Variants in CLVS1 observed in about 807,000 individuals in gnomAD.
CLVS1 encodes the protein clavesin-1.
A neutral mutation model predicts 33.1 loss-of-function variants in CLVS1; 10 were observed. The ratio of observed to expected loss-of-function variants is 0.30; its 90% CI spans 0.19 to 0.51. The LOEUF (loss-of-function observed/expected upper bound fraction) is 0.51, where lower values mean the gene tolerates loss of function less well. Ranked by LOEUF, CLVS1 falls within the 20% of genes least tolerant of loss-of-function variation. The probability of loss-of-function intolerance (pLI) is 0.97; values close to 1 mark genes in which losing one functional copy is unlikely to be tolerated. For missense variants in CLVS1, 343 were observed against 433.4 expected, an observed-to-expected ratio of 0.79 and a Z score of 1.85; for synonymous variants, 163 against 166.1, an observed-to-expected ratio of 0.98 and a Z score of 0.14.
At chr8:61,405,732 G>A (rs554827205) in intron 3 of CLVS1, among the ~76,000 whole-genome samples, 3 of 149,626 alleles carry the variant, frequency 2.0e-5, no homozygotes, top group East Asian at 1.9e-4. Context: ...TGCTCCTGGG[G>A]CAAGGCACTG....
intron 2 of CLVS1, among the ~76,000 whole-genome samples, chr8:61,324,681 A>C (rs1329229343): frequency 6.6e-6 from 1 of 152,156 alleles, no homozygotes; most frequent in Non-Finnish European, 1.5e-5. Flanking sequence ...TTTGACAAAA[A>C]TGTTGATAGT....
chr8:61,338,740 G>A (rs987095816), intron 2 of CLVS1, among the ~76,000 whole-genome samples: 1 of 152,146 alleles, frequency 6.6e-6, no homozygotes, highest in Non-Finnish European at 1.5e-5. Context: ...TGAGGTCAGG[G>A]CTGACAAACA....
chr8:60,989,145 G>A, the CLVS1 span, among the ~76,000 whole-genome samples: 1 of 151,988 alleles, frequency 6.6e-6, no homozygotes, highest in East Asian at 1.9e-4. Flanking sequence ...GGGATTACAG[G>A]CGTGAGCCAC....
At chr8:61,003,114 G>A in the CLVS1 span, among the ~76,000 whole-genome samples, 1 of 152,178 alleles carries the variant, frequency 6.6e-6, no homozygotes, top group Non-Finnish European at 1.5e-5. Context: ...TTACACTTGA[G>A]TAACTTCTAG....
In CLVS1 at chr8:61,500,248, C is replaced by CA. The variant is rs1804568254; in HGVS notation, c.*708dup. ...GTGAAATACGATTATTTCATCTGAG[C>CA]AATGTGAGTTACCACAGGCAGCTCA... On this transcript the variant is annotated 3_prime_UTR_variant, in exon 6 of 6. Coordinates refer to ENST00000325897, the MANE Select transcript of CLVS1 (RefSeq NM_173519.3). 6.6e-6 allele frequency: 1 copy of CA among 152,156 alleles called. No individual in the cohort carries two copies. Among genetic ancestry groups the CA allele is most frequent in the Admixed American group, 6.5e-5 (1 of 15,274 alleles). 9.4% of individuals were successfully genotyped at this position (152,156 alleles called of 1,614,324 possible).
At chr8:60,980,873 C>A in the CLVS1 span, among the ~76,000 whole-genome samples, 1 of 152,040 alleles carries the variant, frequency 6.6e-6, no homozygotes, top group Non-Finnish European at 1.5e-5. Context: ...ACCTTAAATG[C>A]CCATCAAAAA....
At position 61,140,066 on chromosome 8, in the gene CLVS1, T is replaced by C. The variant is rs561664980; in HGVS notation, c.-152+8206T>C. Reference sequence around the variant, plus strand: ...CCAAGCTGCCCAAGTTAAGTCCTTCTAGAAGGGCGCATTCCATGGAGACCA... The same window carrying C: ...CCAAGCTGCCCAAGTTAAGTCCTTCCAGAAGGGCGCATTCCATGGAGACCA... On this transcript the variant is annotated intron_variant, in intron 2 of 2. Transcript: ENST00000522621. Among the ~76,000 whole-genome samples the C allele has an allele frequency of 3.3e-5, 5 of 152,162 alleles. No homozygotes were observed. In the East Asian group the frequency reaches 7.8e-4, roughly 24 times the overall value.
intron 1 of CLVS1, among the ~76,000 whole-genome samples, chr8:61,123,688 A>C (rs896483017): frequency 6.6e-6 from 1 of 152,098 alleles, no homozygotes; most frequent in Non-Finnish European, 1.5e-5. Flanking sequence ...TCTTTTGTGG[A>C]GTTTTGTACA....
intron 1 of CLVS1, among the ~76,000 whole-genome samples, chr8:61,110,761 C>T (rs991933077): frequency 2.6e-5 from 4 of 152,198 alleles, no homozygotes; most frequent in Admixed American, 6.5e-5. Context: ...AATTTGACTA[C>T]TTGAATTATC....
At chr8:61,162,448 C>T (rs1325158230) in intron 2 of CLVS1, among the ~76,000 whole-genome samples, 1 of 152,180 alleles carries the variant, frequency 6.6e-6, no homozygotes, top group Non-Finnish European at 1.5e-5. Flanking sequence ...TTGGAATCTG[C>T]AGTTGAGAGA....
At chr8:61,291,864 T>C (rs192689504) in intron 1 of CLVS1, 1 of 163,192 alleles carries the variant, frequency 6.1e-6, no homozygotes, top group African/African-American at 2.4e-5. Context: ...GACAGTGCAT[T>C]AGGGCTGTCC....
chr8:61,069,083 C>T (rs368061867), intron 1 of CLVS1, among the ~76,000 whole-genome samples: 2 of 152,164 alleles, frequency 1.3e-5, no homozygotes, highest in East Asian at 3.8e-4. Flanking sequence ...TCTCCTGCCT[C>T]AGCCTCCCAA....
In CLVS1 at chr8:61,142,343, C is replaced by T. The variant is rs139440824; in HGVS notation, c.-152+10483C>T. Among the ~76,000 whole-genome samples the T allele has an allele frequency of 8.0e-3, 1,219 of 152,280 alleles. 16 individuals carry two copies. Among genetic ancestry groups the T allele is most frequent in the African/African-American group, 0.026 (1,099 of 41,552 alleles). On this transcript the variant is annotated intron_variant, in intron 2 of 2. Coordinates refer to the CLVS1 transcript ENST00000522621. ...CACCATGATTGCAAGTTTCCTGAGG[C>T]CTCCCCAGCCATGTGGAACTGTGAG...
intron 2 of CLVS1, among the ~76,000 whole-genome samples, chr8:61,142,179 A>G (rs1806319355): frequency 6.6e-6 from 1 of 152,190 alleles, no homozygotes; most frequent in Admixed American, 6.5e-5. Flanking sequence ...TGATTGGATC[A>G]TGGGGGTGGT....
intron 2 of CLVS1, among the ~76,000 whole-genome samples, chr8:61,232,153 GCCTCCCACGTAGCTGGGA>G (rs774662661): frequency 0.015 from 2,251 of 148,952 alleles, 25 homozygotes; most frequent in Non-Finnish European, 0.023. Flanking sequence ...TCCTACCTCA[GCCTCCCACGTAGCTGGGA>G]CTACAGGCAC....
intron 2 of CLVS1, among the ~76,000 whole-genome samples, chr8:61,156,308 TATTC>T (rs1437190540): frequency 6.8e-6 from 1 of 147,812 alleles, no homozygotes; most frequent in East Asian, 2.0e-4. Flanking sequence ...TCTATGCCCC[TATTC>T]ATTCTGTAAC....
chr8:61,350,456 A>G (rs1452955630), intron 2 of CLVS1, among the ~76,000 whole-genome samples: 2 of 152,156 alleles, frequency 1.3e-5, no homozygotes, highest in Admixed American at 6.6e-5. Flanking sequence ...CTTATCATAA[A>G]CTACTGTGAT....
At chr8:61,037,659 G>A in the CLVS1 span, among the ~76,000 whole-genome samples, 1 of 152,160 alleles carries the variant, frequency 6.6e-6, no homozygotes, top group Non-Finnish European at 1.5e-5. Flanking sequence ...CAGAACACTT[G>A]CTTAACAGTA....
At chr8:61,357,494 CTTTTTTTTTTTTTTTTT>C (rs1167743712) in intron 2 of CLVS1, among the ~76,000 whole-genome samples, 1 of 25,804 alleles carries the variant, frequency 3.9e-5, no homozygotes. Context: ...TTTTTCTTTT[CTTTTTTTTTTTTTTTTT>C]TTTTTTTTTT....
Sources: allele counts gnomAD v4.1 joint callset (sites outside exome capture counted in the v4.1 genomes callset), GRCh38; gene constraint gnomAD v4.1.1; transcripts MANE v1.5; gene names NCBI Gene and HGNC (gene_info 2026-07-23, HGNC 2026-07-21).